The following PEX13 variants were observed in gnomAD, a reference collection of about 807,000 sequenced individuals.
The protein encoded by PEX13 is peroxisome biogenesis factor 13.
PEX13 carries 28 observed loss-of-function variants against 34.5 expected under a neutral mutation model. The observed-to-expected ratio is 0.81, with a 90% CI of 0.60 to 1.11. PEX13 has a LOEUF of 1.11. Ranked by LOEUF, PEX13 falls within the 50% of genes most tolerant of loss-of-function variation. The pLI is 0.00. For missense variants in PEX13, 550 were observed against 491.0 expected, an observed-to-expected ratio of 1.12 and a Z score of -1.13; for synonymous variants, 177 against 175.1, an observed-to-expected ratio of 1.01 and a Z score of -0.09.
rs1241303026 is a variant in PEX13 at position 61,038,265 on chromosome 2, A to G, written c.787+6152A>G. On this transcript the variant is annotated intron_variant, in intron 2 of 3. Transcript: ENST00000295030. ...CCCTAACTCATTTTATGAGGCCAGC[A>G]TCATCCTGATACCAGAGCCTGGCAG... 2.0e-5 allele frequency among the ~76,000 whole-genome samples: 3 copies of G among 152,254 alleles called. No individual in the cohort carries two copies. The East Asian group carries it at 5.8e-4, about 29-fold the overall frequency.
chr2:61,021,161 G>C (rs1459664204), intron 1 of PEX13, among the ~76,000 whole-genome samples: 1 of 152,180 alleles, frequency 6.6e-6, no homozygotes, highest in Non-Finnish European at 1.5e-5. Flanking sequence ...ATCTCACTGG[G>C]ACTGGTTGAA....
At chr2:61,021,997 C>T (rs1680272132) in intron 1 of PEX13, among the ~76,000 whole-genome samples, 1 of 152,190 alleles carries the variant, frequency 6.6e-6, no homozygotes, top group Non-Finnish European at 1.5e-5. Context: ...ACAAAAAGGA[C>T]ATCCACACCA....
At chr2:61,022,110 G>A (rs184817690) in intron 1 of PEX13, among the ~76,000 whole-genome samples, 5 of 152,346 alleles carry the variant, frequency 3.3e-5, no homozygotes, top group Non-Finnish European at 7.3e-5. Context: ...AAAAATCAGA[G>A]CACCTCATCT....
Position 61,031,983 on chromosome 2 carries a change from A to AAT in PEX13, c.657_658insAT (p.Cys220IlefsTer43). 6.2e-7 allele frequency: 1 copy of AAT among 1,614,032 alleles called. No individual in the cohort carries two copies. Among genetic ancestry groups the AAT allele is most frequent in the Non-Finnish European group, 8.5e-7 (1 of 1,179,906 alleles). On this transcript the variant is annotated frameshift_variant, in exon 2 of 4. Transcript: ENST00000295030. LOFTEE classifies it high-confidence loss of function. The stretch of plus-strand genomic sequence containing the variant: ...GGGCAGAGAGTGAAGGAACTGTGGC[A>AAT]TGCCTTGGTGCTGAGGACCGAGCAG...
chr2:61,048,447 C>A, intron 3 of PEX13, 25 bp from the exon 4 acceptor site: 1 of 1,603,908 alleles, frequency 6.2e-7, no homozygotes. Flanking sequence ...ATTGTAATTA[C>A]AAGACTGTCT....
chr2:61,020,067 C>T lies in PEX13; in HGVS notation c.92+2216C>T, dbSNP rs189055403. Among the ~76,000 whole-genome samples, 441 of 152,160 alleles carry T rather than the reference C, an allele frequency of 2.9e-3. 1 individual carries two copies. Among genetic ancestry groups the T allele is most frequent in the African/African-American group, 0.01 (430 of 41,526 alleles). ...AGAAACCCCGTCTCTACTAAAAATA[C>T]AAAAAAACATTAGCTGGGTGCGGTG... On this transcript the variant is annotated intron_variant, in intron 1 of 3. Coordinates refer to ENST00000295030, the MANE Select transcript of PEX13 (RefSeq NM_002618.4).
intron 1 of PEX13, among the ~76,000 whole-genome samples, chr2:61,021,708 C>T (rs996249473): frequency 1.3e-5 from 2 of 152,216 alleles, no homozygotes; most frequent in African/African-American, 2.4e-5. Context: ...AACGGACAGA[C>T]GGCCTCCTCA....
At chr2:61,041,841 G>A (rs1004026011) in intron 2 of PEX13, among the ~76,000 whole-genome samples, 8 of 152,210 alleles carry the variant, frequency 5.3e-5, no homozygotes, top group Non-Finnish European at 1.2e-4. Context: ...GTTAAATGAT[G>A]AAGAAGCTAC....
Position 61,022,183 on chromosome 2 carries a change from C to T in PEX13, c.92+4332C>T, listed in dbSNP as rs748182973. Among the ~76,000 whole-genome samples the T allele has an allele frequency of 3.3e-5, 5 of 152,278 alleles. No individual in the cohort carries two copies. In the East Asian group the frequency reaches 5.8e-4, roughly 18 times the overall value. ...AAAGCTGGACAGAGAATGACTTTGACGAGTTGACAGAAGTAGGCTTCAGAA... is the reference window on the plus strand; with the variant it reads ...AAAGCTGGACAGAGAATGACTTTGATGAGTTGACAGAAGTAGGCTTCAGAA... On this transcript the variant is annotated intron_variant, in intron 1 of 3. Transcript: ENST00000295030.
intron 2 of PEX13, among the ~76,000 whole-genome samples, chr2:61,041,291 T>C (rs1680622474): frequency 6.6e-6 from 1 of 152,110 alleles, no homozygotes; most frequent in Non-Finnish European, 1.5e-5. Context: ...ATTGTACCAC[T>C]GTACTCCAGT....
At position 61,017,725 on chromosome 2, in the gene PEX13, G is replaced by T. The variant is rs557495907; in HGVS notation, c.-35G>T. On this transcript the variant is annotated 5_prime_UTR_variant, in exon 1 of 4. It adds an upstream start codon to the 5' untranslated region. Transcript: ENST00000295030. Reference sequence around the variant, plus strand: ...TGGTCTACGCGGGCCTGGACAGTCAGGGGTAGGAGCGGGAGCCGAGAGGAG... The same window carrying T: ...TGGTCTACGCGGGCCTGGACAGTCATGGGTAGGAGCGGGAGCCGAGAGGAG... 1.6e-5 allele frequency: 24 copies of T among 1,529,192 alleles called. No homozygotes were observed. Among genetic ancestry groups the T allele is most frequent in the Non-Finnish European group, 1.9e-5 (21 of 1,129,300 alleles). 94.7% of individuals were successfully genotyped at this position (1,529,192 alleles called of 1,614,324 possible). A position where few individuals can be genotyped will look rare whatever the true frequency, so the allele number is the denominator to read the frequency against.
At chr2:61,037,598 G>C (rs755353908) in intron 2 of PEX13, among the ~76,000 whole-genome samples, 3 of 152,160 alleles carry the variant, frequency 2.0e-5, no homozygotes, top group Non-Finnish European at 4.4e-5. Context: ...CAGAATCTCT[G>C]GGACACATTT....
At chr2:61,030,812 G>T (rs1680437211) in intron 1 of PEX13, among the ~76,000 whole-genome samples, 1 of 152,038 alleles carries the variant, frequency 6.6e-6, no homozygotes, top group African/African-American at 2.4e-5. Context: ...GTCCAGAATA[G>T]ACAAACCGAG....
rs566471465 is a variant in PEX13 at position 61,042,777 on chromosome 2, T to A, written c.788-2949T>A. Among the ~76,000 whole-genome samples the A allele has an allele frequency of 2.0e-5, 3 of 152,268 alleles. No homozygotes were observed. The East Asian group carries it at 5.8e-4, about 29-fold the overall frequency. ...TGGTCATTGCAACAGCCAAAAAAAA[T>A]ATGTCCAGAGAAAGTAAACTTGTTT... On this transcript the variant is annotated intron_variant, in intron 2 of 3. Coordinates refer to ENST00000295030, the MANE Select transcript of PEX13 (RefSeq NM_002618.4).
intron 1 of PEX13, chr2:61,018,952 CACAG>C (rs1208033095): frequency 6.6e-6 from 1 of 152,096 alleles, no homozygotes; most frequent in Non-Finnish European, 1.5e-5. Context: ...ATATTTTAAA[CACAG>C]AGACCAGTAG....
At chr2:61,027,493 T>C (rs963600502) in intron 1 of PEX13, among the ~76,000 whole-genome samples, 4 of 152,182 alleles carry the variant, frequency 2.6e-5, no homozygotes, top group African/African-American at 9.7e-5. Context: ...CTCAAAATAT[T>C]AAACTGTCAT....
At chr2:61,029,457 T>A (rs185618942) in intron 1 of PEX13, among the ~76,000 whole-genome samples, 7 of 152,294 alleles carry the variant, frequency 4.6e-5, no homozygotes, top group Middle Eastern at 3.4e-3. Context: ...ATATAGAGTT[T>A]CCATATAACC....
chr2:61,029,938 A>G (rs1680423623), intron 1 of PEX13, among the ~76,000 whole-genome samples: 1 of 152,186 alleles, frequency 6.6e-6, no homozygotes, highest in South Asian at 2.1e-4. Flanking sequence ...AGTGTATTAG[A>G]TACTATAAGC....
At chr2:61,033,762 C>G (rs2104804828) in intron 2 of PEX13, among the ~76,000 whole-genome samples, 1 of 152,110 alleles carries the variant, frequency 6.6e-6, no homozygotes, top group Non-Finnish European at 1.5e-5. Context: ...TGTTTTCAGT[C>G]ATAGGGAACA....
Sources: allele counts gnomAD v4.1 joint callset (sites outside exome capture counted in the v4.1 genomes callset), GRCh38; gene constraint gnomAD v4.1.1; transcripts MANE v1.5; gene names NCBI Gene and HGNC (gene_info 2026-07-23, HGNC 2026-07-21).